BAZ2B: variants seen among roughly 807,000 people sequenced by gnomAD.
The protein encoded by BAZ2B is bromodomain adjacent to zinc finger domain 2B.
Under a neutral mutation model 246.0 loss-of-function variants are expected in BAZ2B, and 91 were observed. The observed-to-expected ratio is 0.37, with a 90% CI of 0.31 to 0.44. The LOEUF (loss-of-function observed/expected upper bound fraction) is 0.44, where lower values mean the gene tolerates loss of function less well. Among genes scored for constraint, BAZ2B ranks in the 20% least tolerant of loss-of-function variants. BAZ2B has a pLI of 1.00. For synonymous variants in BAZ2B, 855 were observed against 860.0 expected (o/e 0.99, Z 0.10); for missense variants, 2,332 against 2,533.7 (o/e 0.92, Z 1.71).
chr2:159,380,257 C>G (rs1432968836), intron 25 of BAZ2B, among the ~76,000 whole-genome samples: 1 of 152,130 alleles, frequency 6.6e-6, no homozygotes, highest in Non-Finnish European at 1.5e-5. Context: ...CTAGGAACTC[C>G]CTGTCTTCTG....
the BAZ2B span, among the ~76,000 whole-genome samples, chr2:159,651,654 C>T: frequency 4.1e-4 from 63 of 152,208 alleles, no homozygotes; most frequent in African/African-American, 1.4e-3. Flanking sequence ...CAAATTTGTA[C>T]AACCATCACT....
intron 1 of BAZ2B, among the ~76,000 whole-genome samples, chr2:159,570,029 T>C (rs1468614190): frequency 6.6e-6 from 1 of 152,174 alleles, no homozygotes; most frequent in East Asian, 1.9e-4. Flanking sequence ...CTAAGTTGTA[T>C]ATATTATCTA....
intron 1 of BAZ2B, among the ~76,000 whole-genome samples, chr2:159,564,384 A>C (rs993122993): frequency 1.3e-5 from 2 of 152,196 alleles, no homozygotes; most frequent in African/African-American, 2.4e-5. Flanking sequence ...GTTATGACTA[A>C]GTGAATGATG....
At chr2:159,644,333 C>T in the BAZ2B span, among the ~76,000 whole-genome samples, 33 of 152,268 alleles carry the variant, frequency 2.2e-4, no homozygotes, top group African/African-American at 7.5e-4. Context: ...GTAAGAAAAA[C>T]TTCACTAGAT....
intron 3 of BAZ2B, among the ~76,000 whole-genome samples, chr2:159,473,032 A>C (rs1047970038): frequency 6.6e-6 from 1 of 151,892 alleles, no homozygotes; most frequent in Non-Finnish European, 1.5e-5. Context: ...CTCTTTTTCT[A>C]TTGTTTGGAA....
chr2:159,543,724 C>T (rs1441890843), intron 2 of BAZ2B, among the ~76,000 whole-genome samples: 2 of 151,992 alleles, frequency 1.3e-5, no homozygotes, highest in African/African-American at 2.4e-5. Flanking sequence ...TTAGTAGAGA[C>T]GAGGTTTTGC....
intron 31 of BAZ2B, among the ~76,000 whole-genome samples, chr2:159,343,916 C>T (rs1055790986): frequency 1.3e-5 from 2 of 150,844 alleles, no homozygotes; most frequent in African/African-American, 4.9e-5. Context: ...GTCTCAGCTA[C>T]TCGGGAGACT....
chr2:159,374,729 C>T lies in BAZ2B; in HGVS notation c.4030G>A (p.Val1344Ile), dbSNP rs201498013. 198 of 1,613,020 alleles carry T rather than the reference C, an allele frequency of 1.2e-4. 1 individual carries two copies. The highest frequency in any genetic ancestry group is 1.7e-5 in the Non-Finnish European group (20 of 1,179,492). The part of the protein sequence containing the change: ...DEDEGDQAAS[V>I]EELEKQIEKL... ...TCAATCTGTTTTTCCAGCTCTTCAA[C>T]ACTTGCTGCTTGGTCACCTTCATCC... Residue 1344 changes from valine (V) to isoleucine (I), a missense_variant, in exon 26 of 37, where the codon GTT (valine) becomes ATT (isoleucine). Physicochemically the swap from Val to Ile is conservative, Grantham distance 29 (BLOSUM62 3). Coordinates refer to ENST00000392783, the MANE Select transcript of BAZ2B (RefSeq NM_013450.4).
chr2:159,366,991 C>T (rs188072228), intron 27 of BAZ2B, among the ~76,000 whole-genome samples: 26 of 152,210 alleles, frequency 1.7e-4, no homozygotes, highest in Admixed American at 9.2e-4. Context: ...CTCTTGTTCC[C>T]AAGACCCATC....
chr2:159,599,296 A>C (rs1224082849), intron 1 of BAZ2B, among the ~76,000 whole-genome samples: 2 of 152,136 alleles, frequency 1.3e-5, no homozygotes, highest in African/African-American at 4.8e-5. Flanking sequence ...AAGGAAGATC[A>C]CTTTCTGGCA....
chr2:159,643,439 C>T, the BAZ2B span, among the ~76,000 whole-genome samples: 1 of 152,162 alleles, frequency 6.6e-6, no homozygotes, highest in Non-Finnish European at 1.5e-5. Flanking sequence ...CTTACCCTTA[C>T]AGGCCCCATT....
intron 14 of BAZ2B, among the ~76,000 whole-genome samples, chr2:159,406,004 T>C (rs187462170): frequency 5.3e-5 from 8 of 152,362 alleles, no homozygotes; most frequent in Admixed American, 2.6e-4. Flanking sequence ...CTAGTTCTTA[T>C]AATCTTCAAG....
chr2:159,599,157 T>A (rs117768094), intron 1 of BAZ2B, among the ~76,000 whole-genome samples: 2 of 152,078 alleles, frequency 1.3e-5, no homozygotes, highest in Non-Finnish European at 2.9e-5. Flanking sequence ...ACCTAGAGTG[T>A]CATATTTGAG....
rs145977503 is a variant in BAZ2B, at chr2:159,328,183, G to A, written c.5944-2265C>T. Among the ~76,000 whole-genome samples, 187 of 151,440 alleles carry A rather than the reference G, an allele frequency of 1.2e-3. 1 individual carries two copies. The highest frequency in any genetic ancestry group is 4.4e-3 in the African/African-American group (181 of 41,242). On this transcript the variant is annotated intron_variant, in intron 34 of 36. Coordinates refer to ENST00000392783, the MANE Select transcript of BAZ2B (RefSeq NM_013450.4). ...TGTCAGCTGATGATCTCATTAGATA[G>A]TGCACCTACACATACTTTAAAAGCA... is the stretch of plus-strand genomic sequence containing the variant.
intron 2 of BAZ2B, among the ~76,000 whole-genome samples, chr2:159,501,173 A>AT (rs1243693734): frequency 9.6e-6 from 1 of 104,492 alleles, no homozygotes; most frequent in African/African-American, 3.7e-5. Flanking sequence ...TATAATATAT[A>AT]TTATATATAT....
chr2:159,347,066 T>C (rs1381229244), intron 31 of BAZ2B, among the ~76,000 whole-genome samples: 2 of 152,216 alleles, frequency 1.3e-5, no homozygotes, highest in East Asian at 3.8e-4. Context: ...AAGGCTTGTA[T>C]GTAAGGAAGT....
chr2:159,331,487 C>T (rs2064768859), intron 34 of BAZ2B, among the ~76,000 whole-genome samples: 1 of 152,208 alleles, frequency 6.6e-6, no homozygotes, highest in African/African-American at 2.4e-5. Flanking sequence ...CCTGCCTGAG[C>T]CCCCCAAATA....
At chr2:159,632,935 T>G in the BAZ2B span, among the ~76,000 whole-genome samples, 1 of 152,202 alleles carries the variant, frequency 6.6e-6, no homozygotes, top group East Asian at 1.9e-4. Context: ...GCTCAACAAT[T>G]GCAACCATAG....
At chr2:159,357,033 AG>A (rs2059188472) in intron 27 of BAZ2B, among the ~76,000 whole-genome samples, 1 of 152,168 alleles carries the variant, frequency 6.6e-6, no homozygotes, top group African/African-American at 2.4e-5. Context: ...GAACGCAAAA[AG>A]GCTAAAAATT....
Sources: allele counts gnomAD v4.1 joint callset (sites outside exome capture counted in the v4.1 genomes callset), GRCh38; gene constraint gnomAD v4.1.1; transcripts MANE v1.5; gene names NCBI Gene and HGNC (gene_info 2026-07-23, HGNC 2026-07-21).